The following ANKRD11 variants were observed in gnomAD, a reference collection of about 807,000 sequenced individuals.
ANKRD11 encodes ankyrin repeat domain 11, also known as ankyrin repeat domain-containing protein 11.
A neutral mutation model predicts 195.7 loss-of-function variants in ANKRD11; 17 were observed. That is an observed-to-expected ratio of 0.09 (90% CI 0.06 to 0.13). The LOEUF is 0.13. Ranked by LOEUF, ANKRD11 falls within the 10% of genes least tolerant of loss-of-function variation. ANKRD11 has a pLI of 1.00. For missense variants in ANKRD11, 3,735 were observed against 3,566.1 expected (o/e 1.05, Z -1.21); for synonymous variants, 1,953 against 1,528.1 (o/e 1.28, Z -6.49).
At chr16:89,336,814 G>A (rs139102132) in intron 2 of ANKRD11, among the ~76,000 whole-genome samples, 191 of 152,170 alleles carry the variant, frequency 1.3e-3, no homozygotes, top group African/African-American at 4.3e-3. Context: ...TAAATATAAA[G>A]GAATGTCTTT....
chr16:89,270,891 C>A lies in ANKRD11; in HGVS notation c.7732G>T (p.Val2578Leu). ...LESQGDENKS[V>L]RDRFNARQFI... ...TGGCGGGCGTTGAAACGGTCGCGCA[C>A]TGACTTGTTCTCGTCACCCTGTGGA... The change falls in exon 12 of 13, where the codon GTG (valine) becomes TTG (leucine). Residue 2578 changes from valine to leucine, a missense_variant. Coordinates refer to ENST00000301030, the MANE Select transcript of ANKRD11 (RefSeq NM_013275.6). 6.2e-7 allele frequency: 1 copy of A among 1,614,040 alleles called. No homozygotes were observed. Among genetic ancestry groups the A allele is most frequent in the Non-Finnish European group, 8.5e-7 (1 of 1,179,998 alleles).
Position 89,268,198 on chromosome 16 carries a change from G to T in ANKRD11, c.*280C>A. 5.3e-6 allele frequency: 1 copy of T among 189,402 alleles called. No homozygotes were observed. Among genetic ancestry groups the T allele is most frequent in the South Asian group, 6.5e-5 (1 of 15,452 alleles). 11.7% of individuals were successfully genotyped at this position (189,402 alleles called of 1,614,324 possible). A position where few individuals can be genotyped will look rare whatever the true frequency, so the allele number is the denominator to read the frequency against. On this transcript the variant is annotated 3_prime_UTR_variant, in exon 13 of 13. Coordinates refer to ENST00000301030, the MANE Select transcript of ANKRD11 (RefSeq NM_013275.6). The stretch of plus-strand genomic sequence containing the variant: ...TCGCCGTTTTCAAACAGAAGCTGCC[G>T]TGTGTGCGCGCCCGGCATGGTCTCC...
At chr16:89,330,983 T>G (rs2038035294) in intron 2 of ANKRD11, among the ~76,000 whole-genome samples, 1 of 152,242 alleles carries the variant, frequency 6.6e-6, no homozygotes, top group East Asian at 1.9e-4. Context: ...AGACGGAGTC[T>G]CACTTTGTCG....
intron 1 of ANKRD11, among the ~76,000 whole-genome samples, chr16:89,437,300 C>T (rs552472953): frequency 2.0e-5 from 3 of 152,122 alleles, no homozygotes; most frequent in Non-Finnish European, 2.9e-5. Context: ...TTTAAAAAGC[C>T]ACCAAAAAAA....
intron 1 of ANKRD11, among the ~76,000 whole-genome samples, chr16:89,450,877 G>A (rs149123795): frequency 3.0e-4 from 45 of 152,258 alleles, no homozygotes; most frequent in African/African-American, 1.0e-3. Context: ...CCATGAAAAT[G>A]ACTAATGAAA....
intron 2 of ANKRD11, among the ~76,000 whole-genome samples, chr16:89,351,335 C>T (rs1432470861): frequency 6.6e-6 from 1 of 152,150 alleles, no homozygotes; most frequent in African/African-American, 2.4e-5. Flanking sequence ...ATCCATGGCC[C>T]TAGGGAAGGA....
intron 1 of ANKRD11, among the ~76,000 whole-genome samples, chr16:89,431,580 C>T (rs1448757073): frequency 6.6e-6 from 1 of 152,212 alleles, no homozygotes; most frequent in Admixed American, 6.5e-5. Context: ...TTCCACCCCA[C>T]CATTCCCGGT....
At chr16:89,274,004 G>C (rs1291604925) in intron 11 of ANKRD11, among the ~76,000 whole-genome samples, 1 of 152,200 alleles carries the variant, frequency 6.6e-6, no homozygotes, top group African/African-American at 2.4e-5. Flanking sequence ...CCCACAACCT[G>C]AGCGCAGTGG....
rs1486960834 is a variant in ANKRD11 at position 89,415,358 on chromosome 16, A to C, written c.-60+2926T>G. 5.9e-5 allele frequency among the ~76,000 whole-genome samples: 8 copies of C among 136,646 alleles called. No individual in the cohort carries two copies. The East Asian group carries it at 1.7e-3, about 30-fold the overall frequency. The allele number at this position is 136,646 out of a possible 152,430, so 89.6% of individuals were successfully genotyped here. A position where few individuals can be genotyped will look rare whatever the true frequency, so the allele number is the denominator to read the frequency against. On this transcript the variant is annotated intron_variant, in intron 2 of 12. Coordinates refer to ENST00000301030, the MANE Select transcript of ANKRD11 (RefSeq NM_013275.6). ...CGGTTTACTGCAAGCTCCGCCTCCC[A>C]GGTTCACGCCATTCTCCTGCCTCAG... is the stretch of plus-strand genomic sequence containing the variant.
intron 1 of ANKRD11, among the ~76,000 whole-genome samples, chr16:89,438,150 C>A (rs1211196862): frequency 6.6e-6 from 1 of 152,148 alleles, no homozygotes; most frequent in Non-Finnish European, 1.5e-5. Flanking sequence ...CGTGCGCAGC[C>A]CAGGAGGCTG....
Position 89,490,551 on chromosome 16 carries a change from G to T in ANKRD11, c.-451C>A. The T allele has an allele frequency of 2.3e-6, 1 of 428,550 alleles. No homozygotes were observed. Among genetic ancestry groups the T allele is most frequent in the Non-Finnish European group, 4.1e-6 (1 of 243,004 alleles). The allele number at this position is 428,550 out of a possible 1,614,324, so 26.5% of individuals were successfully genotyped here. Reference sequence around the variant, plus strand: ...CCTCGGTCCATCGCGCACCGTCTCAGGGCGGCCTCTGGCTCCAGGACCCAG... The same window carrying T: ...CCTCGGTCCATCGCGCACCGTCTCATGGCGGCCTCTGGCTCCAGGACCCAG... On this transcript the variant is annotated 5_prime_UTR_variant, in exon 1 of 13. The change creates a new upstream start codon in the 5' untranslated region. Coordinates refer to ENST00000301030, the MANE Select transcript of ANKRD11 (RefSeq NM_013275.6).
At chr16:89,360,552 A>C (rs1031803966) in intron 2 of ANKRD11, 20 of 152,380 alleles carry the variant, frequency 1.3e-4, no homozygotes, top group African/African-American at 4.8e-4. Flanking sequence ...CAGTGGTTCC[A>C]ATATTTACTT....
chr16:89,403,044 C>T (rs114183001), intron 2 of ANKRD11, among the ~76,000 whole-genome samples: 1,839 of 152,300 alleles, frequency 0.012, 40 homozygotes, highest in African/African-American at 0.042. Flanking sequence ...GGCACTGCCT[C>T]GCTCAACTGC....
chr16:89,363,412 A>C lies in ANKRD11; in HGVS notation c.-59-46334T>G, dbSNP rs1186520279. Among the ~76,000 whole-genome samples, 11 of 152,274 alleles carry C rather than the reference A, an allele frequency of 7.2e-5. No individual in the cohort carries two copies. In the East Asian group the frequency reaches 1.2e-3, roughly 16 times the overall value. Reference sequence around the variant, plus strand: ...AATGGGTGCAGCACACCAACATGGCACATGTATACATATGTAACAAACCTG... The same window carrying C: ...AATGGGTGCAGCACACCAACATGGCCCATGTATACATATGTAACAAACCTG... On this transcript the variant is annotated intron_variant, in intron 2 of 12. Coordinates refer to ENST00000301030, the MANE Select transcript of ANKRD11 (RefSeq NM_013275.6).
chr16:89,270,473 A>C, intron 12 of ANKRD11: 1 of 388,276 alleles, frequency 2.6e-6, no homozygotes, highest in East Asian at 6.0e-5. Context: ...CGCCCTGGCC[A>C]GCACTTCCAG....
chr16:89,363,157 C>T (rs1314764273), intron 2 of ANKRD11, among the ~76,000 whole-genome samples: 3 of 152,000 alleles, frequency 2.0e-5, no homozygotes, highest in African/African-American at 7.3e-5. Flanking sequence ...GCTGGGAACA[C>T]GCCTATCCCT....
chr16:89,285,200 G>C lies in ANKRD11; in HGVS notation c.1342C>G (p.Gln448Glu), dbSNP rs2034563734. Residue 448 changes from glutamine (Q) to glutamate (E), a missense_variant, in exon 9 of 13, where the codon CAG (glutamine) becomes GAG (glutamate). By Grantham distance (29) the Gln-to-Glu change is conservative. Transcript: ENST00000301030. The surrounding 1 kb of genome is among the most constrained non-coding windows in gnomAD (Gnocchi z 5.6). ...KTREPSNAKQ[Q>E]KEKNKVKKKR... Reference sequence around the variant, plus strand: ...TTTTTCACTTTATTTTTTTCCTTCTGCTGCTTGGCATTAGAAGGCTCTCGT... The same window carrying C: ...TTTTTCACTTTATTTTTTTCCTTCTCCTGCTTGGCATTAGAAGGCTCTCGT... 1 of 1,613,318 alleles carries C rather than the reference G, an allele frequency of 6.2e-7. No individual in the cohort carries two copies. The highest frequency in any genetic ancestry group is 1.3e-5 in the African/African-American group (1 of 74,774).
chr16:89,365,775 A>C (rs2039920399), intron 2 of ANKRD11, among the ~76,000 whole-genome samples: 2 of 152,080 alleles, frequency 1.3e-5, no homozygotes. Context: ...AACTTGTGTC[A>C]TCAGGGTTTG....
chr16:89,286,571 G>T, intron 7 of ANKRD11: 1 of 872,018 alleles, frequency 1.1e-6, no homozygotes, highest in Non-Finnish European at 1.5e-6. Flanking sequence ...AGTGGTGCCG[G>T]AGTGGTCGTG....
Sources: gnomAD v4.1 joint callset for allele counts (sites outside exome capture counted in the v4.1 genomes callset) on GRCh38, gnomAD v4.1.1 for gene constraint, Gnocchi (gnomAD v3.1) non-coding constraint, MANE v1.5 for transcripts, NCBI Gene and HGNC (gene_info 2026-07-23, HGNC 2026-07-21) for gene names.